The following ARHGAP26 variants were observed in gnomAD, a reference collection of about 807,000 sequenced individuals.
ARHGAP26 encodes the protein Rho GTPase activating protein 26.
Under a neutral mutation model 104.8 loss-of-function variants are expected in ARHGAP26, and 38 were observed. The observed-to-expected ratio is 0.36, with a 90% CI of 0.28 to 0.48. The LOEUF (loss-of-function observed/expected upper bound fraction) is 0.48. Among genes scored for constraint, ARHGAP26 ranks in the 20% least tolerant of loss-of-function variants. The pLI, the probability that ARHGAP26 is intolerant of heterozygous loss-of-function variation, is 0.99. For synonymous variants in ARHGAP26, 341 were observed against 340.0 expected (o/e 1.00, Z -0.03); for missense variants, 704 against 947.9 (o/e 0.74, Z 3.38).
At chr5:142,833,332 A>T (rs1484186340) in intron 1 of ARHGAP26, among the ~76,000 whole-genome samples, 1 of 151,610 alleles carries the variant, frequency 6.6e-6, no homozygotes, top group Non-Finnish European at 1.5e-5. Context: ...AAGTGCTAGG[A>T]TTACAGGCAT....
chr5:143,209,170 G>A (rs953644488), intron 21 of ARHGAP26, among the ~76,000 whole-genome samples: 5 of 152,176 alleles, frequency 3.3e-5, no homozygotes, highest in African/African-American at 4.8e-5. Context: ...AAATCACTCA[G>A]CTAAAATCCT....
In ARHGAP26 at chr5:143,073,153, C is replaced by G. The variant is rs754478288; in HGVS notation, c.1538+15406C>G. Reference sequence around the variant, plus strand: ...TTTGCTCCTTCTAATTTAGTTCCTCCTTAGGTGATGAGGGGAATCCAACTG... The same window carrying G: ...TTTGCTCCTTCTAATTTAGTTCCTCGTTAGGTGATGAGGGGAATCCAACTG... On this transcript the variant is annotated intron_variant, in intron 17 of 22. Coordinates refer to ENST00000645722, the MANE Select transcript of ARHGAP26 (RefSeq NM_001135608.3). Among the ~76,000 whole-genome samples the G allele has an allele frequency of 4.8e-4, 73 of 152,104 alleles. 1 individual carries two copies. Among genetic ancestry groups the G allele is most frequent in the Non-Finnish European group, 9.0e-4 (61 of 68,008 alleles).
intron 11 of ARHGAP26, among the ~76,000 whole-genome samples, chr5:142,977,045 C>T (rs1350013004): frequency 6.6e-6 from 1 of 152,210 alleles, no homozygotes; most frequent in Non-Finnish European, 1.5e-5. Flanking sequence ...ACTGAGGCCA[C>T]TCCTGAGTCA....
At chr5:143,013,997 G>A (rs3822397) in intron 11 of ARHGAP26, 83 bp from the exon 12 acceptor site, 1,059,598 of 1,388,906 alleles carry the variant, frequency 0.76, 413,033 homozygotes, top group Non-Finnish European at 0.81. Context: ...ACTAGGGAAA[G>A]TGAGGAAGAT....
chr5:142,985,661 C>A lies in ARHGAP26; in HGVS notation c.1108-28419C>A, dbSNP rs186528311. On this transcript the variant is annotated intron_variant, in intron 11 of 22. Coordinates refer to ENST00000645722, the MANE Select transcript of ARHGAP26 (RefSeq NM_001135608.3). ...CTAATGCTATCCCTCCCCCCTCCCC[C>A]CCACCCTACAACAGGCCCTGGTGTG... Among the ~76,000 whole-genome samples the A allele has an allele frequency of 2.6e-3, 358 of 137,142 alleles. 3 individuals carry two copies. The highest frequency in any genetic ancestry group is 1.2e-3 in the East Asian group (5 of 4,320). The allele number at this position is 137,142 out of a possible 152,430, so 90.0% of individuals were successfully genotyped here.
chr5:143,082,608 C>T (rs1204215198), intron 17 of ARHGAP26, among the ~76,000 whole-genome samples: 1 of 152,156 alleles, frequency 6.6e-6, no homozygotes, highest in East Asian at 1.9e-4. Flanking sequence ...CACACTGCTA[C>T]CAAGTTTCAA....
intron 1 of ARHGAP26, among the ~76,000 whole-genome samples, chr5:142,776,162 G>A (rs912060408): frequency 1.3e-4 from 20 of 151,938 alleles, no homozygotes; most frequent in African/African-American, 4.6e-4. Flanking sequence ...GGAGATGGGG[G>A]TCTCACTTTG....
intron 12 of ARHGAP26, among the ~76,000 whole-genome samples, chr5:143,018,722 T>C (rs147231579): frequency 1.3e-5 from 2 of 152,228 alleles, no homozygotes; most frequent in Non-Finnish European, 2.9e-5. Context: ...TACCTCTCTG[T>C]TTTTAATAAT....
At chr5:142,832,459 G>A (rs1381234941) in intron 1 of ARHGAP26, among the ~76,000 whole-genome samples, 2 of 152,198 alleles carry the variant, frequency 1.3e-5, no homozygotes, top group South Asian at 2.1e-4. Flanking sequence ...AGGAGAGCCT[G>A]CAGCAGGACC....
rs753973005 is a variant in ARHGAP26 at position 142,770,908 on chromosome 5, G to T, written c.147G>T (p.Ala49=). The T allele has an allele frequency of 6.2e-7, 1 of 1,607,122 alleles. No homozygotes were observed. The change falls in exon 1 of 23, where the codon GCG becomes GCT. Residue 49 remains alanine, a synonymous_variant. Transcript: ENST00000645722. ...AGGACGGGAAGTCACTCATAAGCGC[G>T]CTCAAGAGTGAGTGTCCCGAGCCCC... ...LIKDGKSLIS[A]LKNLSSAKRK...
chr5:142,880,798 C>T (rs1756887642), intron 4 of ARHGAP26, among the ~76,000 whole-genome samples: 1 of 152,142 alleles, frequency 6.6e-6, no homozygotes, highest in South Asian at 2.1e-4. Context: ...CTGAGTGCAT[C>T]TGCTTTCTGG....
Position 143,057,684 on chromosome 5 carries a change from T to C in ARHGAP26, c.1475T>C (p.Leu492Pro). ...TCTCGGGTCTCTGAAATCCACAGCC[T>C]TGTTCATCGGCTCCCAGAGAAAAAT... ...QESRVSEIHS[L>P]VHRLPEKNRQ... Residue 492 changes from leucine (L) to proline (P), a missense_variant, in exon 17 of 23, where the codon CTT becomes CCT. Coordinates refer to ENST00000645722, the MANE Select transcript of ARHGAP26 (RefSeq NM_001135608.3). The C allele has an allele frequency of 6.2e-7, 1 of 1,614,012 alleles. No individual in the cohort carries two copies. The highest frequency in any genetic ancestry group is 8.5e-7 in the Non-Finnish European group (1 of 1,179,900).
chr5:143,074,900 G>A (rs1161846770), intron 17 of ARHGAP26, among the ~76,000 whole-genome samples: 1 of 152,194 alleles, frequency 6.6e-6, no homozygotes, highest in Non-Finnish European at 1.5e-5. Context: ...TAGGAGGGAG[G>A]AGCTCACAGC....
intron 11 of ARHGAP26, among the ~76,000 whole-genome samples, chr5:142,962,547 A>C (rs1251020866): frequency 6.6e-6 from 1 of 152,212 alleles, no homozygotes; most frequent in Non-Finnish European, 1.5e-5. Context: ...TAGGCTGCCA[A>C]CCAGAAATCC....
chr5:143,174,920 C>A (rs1803267127), intron 20 of ARHGAP26, among the ~76,000 whole-genome samples: 1 of 152,182 alleles, frequency 6.6e-6, no homozygotes, highest in African/African-American at 2.4e-5. Context: ...TGGGCAGGTT[C>A]TTTGATATGT....
In ARHGAP26 at chr5:142,902,516, T is replaced by C. The variant is rs573067284; in HGVS notation, c.702+477T>C. ...CAGGAAATCCAAGTCCGTGCTTCGC[T>C]CCCAGTGTGGTCAGCATTCCCAAGG... On this transcript the variant is annotated intron_variant, in intron 7 of 22. Transcript: ENST00000645722. 3.0e-3 allele frequency among the ~76,000 whole-genome samples: 453 copies of C among 152,364 alleles called. 10 individuals are homozygous for C. The highest frequency in any genetic ancestry group is 1.2e-3 in the Non-Finnish European group (79 of 68,036).
chr5:143,127,575 C>A (rs575118293), intron 18 of ARHGAP26, among the ~76,000 whole-genome samples: 18 of 152,210 alleles, frequency 1.2e-4, no homozygotes, highest in Non-Finnish European at 1.8e-4. Flanking sequence ...TCATGGATGA[C>A]CCCCACTTAA....
At chr5:143,188,210 C>T (rs1805429345) in intron 20 of ARHGAP26, among the ~76,000 whole-genome samples, 1 of 152,172 alleles carries the variant, frequency 6.6e-6, no homozygotes, top group African/African-American at 2.4e-5. Flanking sequence ...CTACTAAGTA[C>T]AATACGTGGG....
At chr5:143,053,527 C>T (rs1053553909) in intron 14 of ARHGAP26, among the ~76,000 whole-genome samples, 5 of 152,164 alleles carry the variant, frequency 3.3e-5, no homozygotes, top group African/African-American at 1.2e-4. Context: ...AATTACACTC[C>T]CCAACCTCTG....
Sources: allele counts gnomAD v4.1 joint callset (sites outside exome capture counted in the v4.1 genomes callset), GRCh38; gene constraint gnomAD v4.1.1; transcripts MANE v1.5; gene names NCBI Gene and HGNC (gene_info 2026-07-23, HGNC 2026-07-21).